Variants in POLR3C observed in about 807,000 individuals in gnomAD.
The protein encoded by POLR3C is RNA polymerase III subunit C, also known as DNA-directed RNA polymerase III subunit RPC3.
In POLR3C, 44 loss-of-function variants were observed where a neutral mutation model predicts 65.9. The ratio of observed to expected loss-of-function variants is 0.67; its 90% CI spans 0.52 to 0.86. POLR3C has a LOEUF of 0.86. Ranked by LOEUF, POLR3C falls within the 40% of genes least tolerant of loss-of-function variation. POLR3C has a pLI of 0.00. For synonymous variants in POLR3C, 263 were observed against 231.6 expected, an observed-to-expected ratio of 1.14 and a Z score of -1.23; for missense variants, 576 against 653.2, an observed-to-expected ratio of 0.88 and a Z score of 1.29.
intron 5 of POLR3C, 79 bp from the exon 6 acceptor site, chr1:145,833,181 A>C: frequency 1.3e-6 from 1 of 796,702 alleles, no homozygotes; most frequent in Non-Finnish European, 2.1e-6. Flanking sequence ...AGGAAAAGAA[A>C]TGGTGAACCA....
chr1:145,841,149 C>T, intron 14 of POLR3C, 78 bp downstream of exon 14: 1 of 1,263,030 alleles, frequency 7.9e-7, no homozygotes, highest in Non-Finnish European at 1.1e-6. Flanking sequence ...AACCCTCCAG[C>T]TTAGCATGAG....
chr1:145,840,077 G>T, intron 12 of POLR3C, 39 bp from the exon 13 acceptor site: 1 of 1,567,890 alleles, frequency 6.4e-7, no homozygotes, highest in Non-Finnish European at 8.8e-7. Context: ...TGCTGAAATA[G>T]AACTATGTGC....
chr1:145,830,788 G>C (rs1651240578), intron 5 of POLR3C, among the ~76,000 whole-genome samples: 1 of 141,004 alleles, frequency 7.1e-6, no homozygotes, highest in South Asian at 2.3e-4. Flanking sequence ...GACAGAGCAA[G>C]ACTCCATCTC....
chr1:145,825,360 C>T (rs185421530), intron 1 of POLR3C, among the ~76,000 whole-genome samples: 1 of 152,282 alleles, frequency 6.6e-6, no homozygotes, highest in African/African-American at 2.4e-5. Flanking sequence ...ATACGCCCAC[C>T]TCGGTCTCCC....
At chr1:145,825,265 C>A (rs142299644) in intron 1 of POLR3C, among the ~76,000 whole-genome samples, 2 of 152,042 alleles carry the variant, frequency 1.3e-5, no homozygotes, top group East Asian at 3.9e-4. Flanking sequence ...CCCGCCACCA[C>A]GCCCAGCTAA....
At position 145,842,621 on chromosome 1, in the gene POLR3C, G is replaced by T; in HGVS notation, c.*201G>T. The T allele has an allele frequency of 1.7e-6, 1 of 597,138 alleles. No individual in the cohort carries two copies. The highest frequency in any genetic ancestry group is 2.9e-5 in the Admixed American group (1 of 34,040). 37.0% of individuals were successfully genotyped at this position (597,138 alleles called of 1,614,324 possible). A position where few individuals can be genotyped will look rare whatever the true frequency, so the allele number is the denominator to read the frequency against. On this transcript the variant is annotated 3_prime_UTR_variant, in exon 15 of 15. Coordinates refer to ENST00000334163, the MANE Select transcript of POLR3C (RefSeq NM_006468.8). ...TGTAGTCTCCCCTCATCAAATCTTGGCAGTGGGAAGAACCTTAAATCAACA... is the reference window on the plus strand; with the variant it reads ...TGTAGTCTCCCCTCATCAAATCTTGTCAGTGGGAAGAACCTTAAATCAACA...
chr1:145,843,865 G>A lies in POLR3C; in HGVS notation c.*1445G>A, dbSNP rs1459646262. Among the ~76,000 whole-genome samples the A allele has an allele frequency of 6.6e-6, 1 of 152,136 alleles. No individual in the cohort carries two copies. The highest frequency in any genetic ancestry group is 1.5e-5 in the Non-Finnish European group (1 of 68,022). On this transcript the variant is annotated 3_prime_UTR_variant, in exon 15 of 15. Transcript: ENST00000334163. ...CAATCCAACTTAAAAATGGCCAAAA[G>A]ATCTTAATAGGTAGTTTTCGAAAGA... is the stretch of plus-strand genomic sequence containing the variant.
rs782566561 is a variant in POLR3C, at chr1:145,826,823, G to T, written c.407G>T (p.Gly136Val). 3 of 1,607,566 alleles carry T rather than the reference G, an allele frequency of 1.9e-6. No individual in the cohort carries two copies. The African/African-American group carries it at 4.0e-5, about 22-fold the overall frequency. Reference protein sequence around the residue: ...ADRLTETMEDGKTMDYAEVSN... With the variant: ...ADRLTETMEDVKTMDYAEVSN... ...CCTTTTTCCTCCTGTTATACAGATGGCAAGACCATGGACTATGCTGAAGTA... is the reference window on the plus strand; with the variant it reads ...CCTTTTTCCTCCTGTTATACAGATGTCAAGACCATGGACTATGCTGAAGTA... Residue 136 changes from glycine to valine, a missense_variant, in exon 4 of 15, where the codon GGC becomes GTC. Physicochemically the swap from Gly to Val is moderately radical, Grantham distance 109 (BLOSUM62 -3). Transcript: ENST00000334163.
At chr1:145,830,310 GAAAA>G (rs1180462246) in intron 5 of POLR3C, among the ~76,000 whole-genome samples, 1 of 145,262 alleles carries the variant, frequency 6.9e-6, no homozygotes, top group Non-Finnish European at 1.5e-5. Flanking sequence ...GTTTTAAAGG[GAAAA>G]AAAAAAACCC....
chr1:145,840,252 A>G (rs1652184449), intron 13 of POLR3C, 87 bp downstream of exon 13: 4 of 860,076 alleles, frequency 4.7e-6, no homozygotes, highest in Non-Finnish European at 7.8e-6. Context: ...GAATCAATAG[A>G]CGCTGGGCCT....
In POLR3C at chr1:145,840,008, C is replaced by T. The variant is rs782802644; in HGVS notation, c.1323+17C>T. The T allele has an allele frequency of 7.1e-6, 11 of 1,559,426 alleles. No homozygotes were observed. In the Admixed American group the frequency reaches 1.8e-4, roughly 26 times the overall value. ...TGCTACAAGGTAACTCAATCTGGAC[C>T]TTCTCCCCATTTCCTCCATACGGTC... On this transcript the variant is annotated intron_variant, in intron 12 of 14. Coordinates refer to ENST00000334163, the MANE Select transcript of POLR3C (RefSeq NM_006468.8).
In POLR3C at chr1:145,843,913, T is replaced by C. The variant is rs1315960918; in HGVS notation, c.*1493T>C. On this transcript the variant is annotated 3_prime_UTR_variant, in exon 15 of 15. Coordinates refer to ENST00000334163, the MANE Select transcript of POLR3C (RefSeq NM_006468.8). ...AGAAGATACACAAATGGCCGACAGA[T>C]ACATCAAAAAATGTTCAACATCACT... 2.6e-5 allele frequency among the ~76,000 whole-genome samples: 4 copies of C among 152,162 alleles called. No individual in the cohort carries two copies. The highest frequency in any genetic ancestry group is 5.9e-5 in the Non-Finnish European group (4 of 68,014).
intron 13 of POLR3C, among the ~76,000 whole-genome samples, chr1:145,840,597 C>A (rs782289081): frequency 6.6e-6 from 1 of 152,068 alleles, no homozygotes; most frequent in Non-Finnish European, 1.5e-5. Context: ...AACCAGTCTA[C>A]TTGCATTGAA....
chr1:145,825,781 C>G lies in POLR3C; in HGVS notation c.5C>G (p.Thr2Ser), dbSNP rs1650686336. The change falls in exon 2 of 15, where the codon ACT becomes AGT. Residue 2 changes from threonine to serine, a missense_variant. Thr to Ser is a moderately conservative substitution (Grantham distance 58, BLOSUM62 1). Coordinates refer to ENST00000334163, the MANE Select transcript of POLR3C (RefSeq NM_006468.8). ...GCTCTCAGACTCCCCAGTACAATGA[C>G]TCAAGCAGAAATTAAGCTCTGTTCT... M[T>S]QAEIKLCSLL... The G allele has an allele frequency of 1.9e-6, 3 of 1,612,972 alleles. No homozygotes were observed. Among genetic ancestry groups the G allele is most frequent in the Non-Finnish European group, 1.7e-6 (2 of 1,179,124 alleles).
intron 13 of POLR3C, chr1:145,840,405 TGG>T: frequency 2.2e-6 from 1 of 456,004 alleles, no homozygotes. Context: ...CTGGGCATGG[TGG>T]CGGGCACCTA....
rs782410628 is a variant in POLR3C, at chr1:145,842,403, A to C, written c.1588A>C (p.Thr530Pro). The change falls in exon 15 of 15, where the codon ACC (threonine) becomes CCC (proline). Residue 530 changes from threonine to proline, a missense_variant. By Grantham distance (38) the Thr-to-Pro change is conservative. Coordinates refer to ENST00000334163, the MANE Select transcript of POLR3C (RefSeq NM_006468.8). Reference protein sequence around the residue: ...IFLLESYIECTMKRQ With the variant: ...IFLLESYIECPMKRQ Reference sequence around the variant, plus strand: ...CCTGCTGGAGTCTTACATTGAGTGCACCATGAAGAGACAGTGATCCAGAAG... The same window carrying C: ...CCTGCTGGAGTCTTACATTGAGTGCCCCATGAAGAGACAGTGATCCAGAAG... The C allele has an allele frequency of 6.2e-7, 1 of 1,607,850 alleles. No individual in the cohort carries two copies. Among genetic ancestry groups the C allele is most frequent in the Non-Finnish European group, 8.5e-7 (1 of 1,174,778 alleles).
intron 7 of POLR3C, among the ~76,000 whole-genome samples, chr1:145,835,201 TAC>T (rs587620222): frequency 9.4e-4 from 136 of 144,670 alleles, no homozygotes; most frequent in African/African-American, 3.4e-3. Context: ...GTAATCCCAG[TAC>T]TTTGGGTGGC....
At chr1:145,824,975 G>A (rs1650585683) in intron 1 of POLR3C, among the ~76,000 whole-genome samples, 2 of 151,838 alleles carry the variant, frequency 1.3e-5, no homozygotes, top group Non-Finnish European at 2.9e-5. Flanking sequence ...TCAGAATCAC[G>A]CATAATCCCA....
At chr1:145,825,536 A>G (rs782543724) in intron 1 of POLR3C, among the ~76,000 whole-genome samples, 14 of 152,206 alleles carry the variant, frequency 9.2e-5, no homozygotes, top group Non-Finnish European at 1.8e-4. Flanking sequence ...CTAAGTCGGT[A>G]TTATAAAGAG....
Sources: gnomAD v4.1 joint callset for allele counts (sites outside exome capture counted in the v4.1 genomes callset) on GRCh38, gnomAD v4.1.1 for gene constraint, MANE v1.5 for transcripts, NCBI Gene and HGNC (gene_info 2026-07-23, HGNC 2026-07-21) for gene names.